Variants in DPRX observed in about 807,000 individuals in gnomAD.
DPRX encodes divergent paired-related homeobox.
In DPRX, 11 loss-of-function variants were observed where a neutral mutation model predicts 8.4. The observed-to-expected ratio is 1.31, with a 90% confidence interval of 0.82 to 2.17. The LOEUF is 2.17. Among genes scored for constraint, DPRX ranks in the 30% most tolerant of loss-of-function variants. The pLI is 0.00. For synonymous variants in DPRX, 72 were observed against 87.0 expected (o/e 0.83, Z 0.96); for missense variants, 211 against 236.7 (o/e 0.89, Z 0.71).
the DPRX span, among the ~76,000 whole-genome samples, chr19:53,620,222 A>G: frequency 2.0e-5 from 3 of 151,866 alleles, no homozygotes; most frequent in Non-Finnish European, 4.4e-5. Context: ...GGCACCTGCC[A>G]CCTTGCCCGG....
chr19:53,601,772 T>A, the DPRX span, among the ~76,000 whole-genome samples: 32 of 152,036 alleles, frequency 2.1e-4, 1 homozygote, highest in Middle Eastern at 3.4e-3. Context: ...GTGAGCCACC[T>A]CACCTGGCTC....
the DPRX span, among the ~76,000 whole-genome samples, chr19:53,603,082 C>T: frequency 1.6e-4 from 24 of 150,966 alleles, no homozygotes; most frequent in Non-Finnish European, 2.5e-4. Context: ...GATGGGATCT[C>T]GCCCCATTGC....
chr19:53,608,953 C>CAAAAAA, the DPRX span, among the ~76,000 whole-genome samples: 535 of 76,858 alleles, frequency 7.0e-3, 11 homozygotes, highest in Non-Finnish European at 0.01. Context: ...GAGACTCCGT[C>CAAAAAA]AAAAAAAAAA....
At chr19:53,624,178 C>T in the DPRX span, among the ~76,000 whole-genome samples, 1 of 145,572 alleles carries the variant, frequency 6.9e-6, no homozygotes, top group Non-Finnish European at 1.5e-5. Context: ...ACCTCTGCCT[C>T]CCAGGTTCAA....
chr19:53,636,327 C>G (rs2091111809), intron 2 of DPRX, among the ~76,000 whole-genome samples: 1 of 151,222 alleles, frequency 6.6e-6, no homozygotes, highest in South Asian at 2.1e-4. Context: ...GATGGTGCCA[C>G]TGAACTCCAG....
At chr19:53,607,798 C>T in the DPRX span, among the ~76,000 whole-genome samples, 1 of 151,454 alleles carries the variant, frequency 6.6e-6, no homozygotes, top group Non-Finnish European at 1.5e-5. Flanking sequence ...TTGCAGTGAG[C>T]TGAAATTGTG....
At chr19:53,603,444 G>A in the DPRX span, 706 of 455,480 alleles carry the variant, frequency 1.6e-3, 1 homozygote, top group Non-Finnish European at 2.0e-3. Context: ...AGTGCTGGAC[G>A]CTTCAGGAAC....
chr19:53,621,627 T>C, the DPRX span, among the ~76,000 whole-genome samples: 776 of 151,870 alleles, frequency 5.1e-3, 3 homozygotes, highest in Non-Finnish European at 8.5e-3. Flanking sequence ...GAAACGCTAA[T>C]ACAAAAAATT....
the DPRX span, among the ~76,000 whole-genome samples, chr19:53,618,951 G>A: frequency 6.6e-6 from 1 of 151,962 alleles, no homozygotes; most frequent in Admixed American, 6.6e-5. Context: ...CAAAGTGCTG[G>A]GATTACAGGT....
chr19:53,608,950 C>T, the DPRX span, among the ~76,000 whole-genome samples: 2 of 39,196 alleles, frequency 5.1e-5, no homozygotes, highest in African/African-American at 1.2e-4. Flanking sequence ...AGTGAGACTC[C>T]GTCAAAAAAA....
the DPRX span, among the ~76,000 whole-genome samples, chr19:53,612,025 C>T: frequency 1.3e-5 from 2 of 149,952 alleles, no homozygotes; most frequent in East Asian, 2.0e-4. Context: ...TGGAGGTTGC[C>T]GTGAGCCGAG....
At chr19:53,620,902 C>T in the DPRX span, among the ~76,000 whole-genome samples, 1 of 151,860 alleles carries the variant, frequency 6.6e-6, no homozygotes, top group Non-Finnish European at 1.5e-5. Flanking sequence ...CCTGCCAAAG[C>T]TATTTTCTAT....
At chr19:53,607,352 G>A in the DPRX span, among the ~76,000 whole-genome samples, 16 of 152,224 alleles carry the variant, frequency 1.1e-4, 1 homozygote, top group East Asian at 3.1e-3. Context: ...TGAGCCCAGA[G>A]GTTGAGACCA....
chr19:53,608,286 A>C, the DPRX span: 107,620 of 151,826 alleles, frequency 0.71, 38,642 homozygotes, highest in East Asian at 0.82. Flanking sequence ...TCGTTGGACC[A>C]CCCCAGCTCG....
At chr19:53,626,717 G>A in the DPRX span, among the ~76,000 whole-genome samples, 1 of 152,090 alleles carries the variant, frequency 6.6e-6, no homozygotes, top group Admixed American at 6.6e-5. Context: ...CAAGCACTCT[G>A]TTCGACATCT....
At chr19:53,605,052 G>GC in the DPRX span, among the ~76,000 whole-genome samples, 5 of 152,058 alleles carry the variant, frequency 3.3e-5, no homozygotes, top group Admixed American at 6.6e-5. Context: ...AGGGGCTCAT[G>GC]CCTGTAATCT....
upstream of DPRX, among the ~76,000 whole-genome samples, chr19:53,627,582 G>A (rs940944855): frequency 1.1e-4 from 16 of 151,132 alleles, no homozygotes; most frequent in African/African-American, 3.6e-4. Context: ...GATCACAGGC[G>A]CCTACCACCA....
chr19:53,605,959 G>A, the DPRX span, among the ~76,000 whole-genome samples: 1 of 152,148 alleles, frequency 6.6e-6, no homozygotes, highest in African/African-American at 2.4e-5. Flanking sequence ...GTGAGCCACT[G>A]AGCCTAGTCC....
the DPRX span, among the ~76,000 whole-genome samples, chr19:53,619,420 A>ATG: frequency 6.6e-6 from 1 of 152,106 alleles, no homozygotes; most frequent in Non-Finnish European, 1.5e-5. Context: ...CACGCCTGTA[A>ATG]TCCTAGCACT....
Sources: gnomAD v4.1 joint callset for allele counts (sites outside exome capture counted in the v4.1 genomes callset) on GRCh38, gnomAD v4.1.1 for gene constraint, MANE v1.5 for transcripts, NCBI Gene and HGNC (gene_info 2026-07-23, HGNC 2026-07-21) for gene names.